Variants in AGBL1 observed in about 807,000 individuals in gnomAD.
AGBL1 encodes AGBL carboxypeptidase 1, also known as cytosolic carboxypeptidase 4.
Under a neutral mutation model 118.9 loss-of-function variants are expected in AGBL1, and 130 were observed. The ratio of observed to expected loss-of-function variants is 1.09; its 90% confidence interval spans 0.95 to 1.26. The LOEUF (loss-of-function observed/expected upper bound fraction) is 1.26, where lower values mean the gene tolerates loss of function less well. AGBL1 is among the 50% of genes most tolerant of loss of function. AGBL1 has a pLI of 0.00. For missense variants in AGBL1, 1,584 were observed against 1,298.1 expected (o/e 1.22, Z -3.38); for synonymous variants, 555 against 478.9 (o/e 1.16, Z -2.08).
At chr15:86,396,454 CAG>C (rs1331353672) in intron 17 of AGBL1, among the ~76,000 whole-genome samples, 1 of 152,144 alleles carries the variant, frequency 6.6e-6, no homozygotes, top group Non-Finnish European at 1.5e-5. Flanking sequence ...TGTAACTGGG[CAG>C]AGAGTGTTTT....
intron 1 of AGBL1, among the ~76,000 whole-genome samples, chr15:86,124,497 C>T (rs1024845210): frequency 6.6e-6 from 1 of 152,012 alleles, no homozygotes; most frequent in Non-Finnish European, 1.5e-5. Flanking sequence ...TTTGTGCTAC[C>T]TTTGTAACTT....
chr15:86,659,394 C>T (rs564916050), intron 21 of AGBL1, among the ~76,000 whole-genome samples: 5 of 152,104 alleles, frequency 3.3e-5, no homozygotes, highest in Non-Finnish European at 5.9e-5. Context: ...AAGACCCTGC[C>T]AAAGGTGAGG....
rs560833599 is a variant in AGBL1 at position 86,239,905 on chromosome 15, G to A, written c.527-7766G>A. Among the ~76,000 whole-genome samples, 222 of 152,276 alleles carry A rather than the reference G, an allele frequency of 1.5e-3. 4 individuals carry two copies. In the South Asian group the frequency reaches 0.044, roughly 30 times the overall value. On this transcript the variant is annotated intron_variant, in intron 6 of 22. Coordinates refer to ENST00000614907, the MANE Select transcript of AGBL1 (RefSeq NM_001386094.1). ...AGATGATGAATATGTTTATTAGCCCGATTTGTTCATTCCCCAAGGTATATA... is the reference window on the plus strand; with the variant it reads ...AGATGATGAATATGTTTATTAGCCCAATTTGTTCATTCCCCAAGGTATATA...
chr15:86,170,832 C>G (rs2077403797), intron 5 of AGBL1, among the ~76,000 whole-genome samples: 2 of 150,708 alleles, frequency 1.3e-5, no homozygotes, highest in Admixed American at 6.6e-5. Flanking sequence ...GGCGACTGAG[C>G]AAGACTCTGT....
At chr15:86,475,637 T>G (rs2082546852) in intron 18 of AGBL1, among the ~76,000 whole-genome samples, 1 of 152,164 alleles carries the variant, frequency 6.6e-6, no homozygotes, top group South Asian at 2.1e-4. Context: ...GGAACCAAGT[T>G]GGAAAACACT....
At chr15:86,901,656 G>T (rs2080213935) in intron 22 of AGBL1, among the ~76,000 whole-genome samples, 1 of 151,676 alleles carries the variant, frequency 6.6e-6, no homozygotes, top group Non-Finnish European at 1.5e-5. Flanking sequence ...TTGGTGATTT[G>T]GTCTTCTAGT....
At chr15:86,256,786 T>C (rs963764761) in intron 7 of AGBL1, 67 bp from the exon 8 acceptor site, 8 of 1,528,936 alleles carry the variant, frequency 5.2e-6, no homozygotes, top group Non-Finnish European at 7.2e-6. Flanking sequence ...AGAGTGTTAT[T>C]AGCTGTGTTA....
At chr15:86,179,847 G>A (rs941736674) in intron 5 of AGBL1, among the ~76,000 whole-genome samples, 36 of 152,094 alleles carry the variant, frequency 2.4e-4, no homozygotes, top group African/African-American at 8.0e-4. Flanking sequence ...AGTTTACCAA[G>A]GTTCCAGGAT....
intron 21 of AGBL1, among the ~76,000 whole-genome samples, chr15:86,634,880 G>A (rs906780007): frequency 6.6e-6 from 1 of 151,352 alleles, no homozygotes; most frequent in Admixed American, 6.6e-5. Context: ...TCTTTAAATA[G>A]CATAATCTCT....
At chr15:86,850,477 G>A (rs972633929) in intron 22 of AGBL1, among the ~76,000 whole-genome samples, 11 of 152,114 alleles carry the variant, frequency 7.2e-5, no homozygotes, top group African/African-American at 1.9e-4. Flanking sequence ...GTACCCAATC[G>A]TCCTCACACC....
chr15:86,920,692 T>G (rs2080474231), downstream of AGBL1, among the ~76,000 whole-genome samples: 1 of 152,206 alleles, frequency 6.6e-6, no homozygotes, highest in African/African-American at 2.4e-5. Context: ...ATAGGTATAT[T>G]CATCCCAGTA....
At chr15:86,887,822 AAAAG>A (rs367861007) in intron 22 of AGBL1, among the ~76,000 whole-genome samples, 61 of 152,192 alleles carry the variant, frequency 4.0e-4, no homozygotes, top group African/African-American at 1.3e-3. Flanking sequence ...TAAATAGAGA[AAAAG>A]AAAGAAAGAA....
chr15:86,862,341 C>T (rs1003584798), intron 22 of AGBL1, among the ~76,000 whole-genome samples: 1 of 152,182 alleles, frequency 6.6e-6, no homozygotes, highest in African/African-American at 2.4e-5. Flanking sequence ...TAAGGCTGCT[C>T]AAATTGTTTA....
chr15:86,657,822 G>T (rs2085485368), intron 21 of AGBL1, among the ~76,000 whole-genome samples: 1 of 151,588 alleles, frequency 6.6e-6, no homozygotes, highest in Admixed American at 6.6e-5. Flanking sequence ...ACCAGAACAG[G>T]GAATAGGGAG....
At chr15:86,349,411 C>G (rs2080590248) in intron 17 of AGBL1, among the ~76,000 whole-genome samples, 1 of 152,118 alleles carries the variant, frequency 6.6e-6, no homozygotes, top group Non-Finnish European at 1.5e-5. Flanking sequence ...GTCTATAGGT[C>G]TCCTCAATAT....
At chr15:86,686,088 G>A (rs1050216216) in intron 22 of AGBL1, among the ~76,000 whole-genome samples, 1 of 152,124 alleles carries the variant, frequency 6.6e-6, no homozygotes, top group Non-Finnish European at 1.5e-5. Context: ...TTAATTACTT[G>A]TGGTCAACCT....
intron 21 of AGBL1, among the ~76,000 whole-genome samples, chr15:86,636,082 A>G (rs2085077189): frequency 6.6e-6 from 1 of 152,200 alleles, no homozygotes; most frequent in Non-Finnish European, 1.5e-5. Context: ...GTGATGATCA[A>G]AATGTCCAGG....
At position 86,613,785 on chromosome 15, in the gene AGBL1, C is replaced by T. The variant is rs1021786123; in HGVS notation, c.2994+59248C>T. ...GGAGCTTGTTAGAAATGCAGAATTT[C>T]AGACCCCATCCCAGACCTACTGAAT... On this transcript the variant is annotated intron_variant, in intron 21 of 22. Coordinates refer to ENST00000614907, the MANE Select transcript of AGBL1 (RefSeq NM_001386094.1). This position sits in a 1 kb window ranked among gnomAD's most constrained non-coding sequence, Gnocchi z 4.2. Among the ~76,000 whole-genome samples, 1 of 152,184 alleles carries T rather than the reference C, an allele frequency of 6.6e-6. No individual in the cohort carries two copies. The highest frequency in any genetic ancestry group is 2.4e-5 in the African/African-American group (1 of 41,438).
chr15:86,122,313 T>C (rs560878124), intron 1 of AGBL1, among the ~76,000 whole-genome samples: 2 of 152,346 alleles, frequency 1.3e-5, no homozygotes, highest in Non-Finnish European at 1.5e-5. Context: ...TGAAAGCTGA[T>C]GGAATGAAAT....
Sources: gnomAD v4.1 joint callset for allele counts (sites outside exome capture counted in the v4.1 genomes callset) on GRCh38, gnomAD v4.1.1 for gene constraint, Gnocchi (gnomAD v3.1) non-coding constraint, MANE v1.5 for transcripts, NCBI Gene and HGNC (gene_info 2026-07-23, HGNC 2026-07-21) for gene names.